MTAP: variants seen among roughly 807,000 people sequenced by gnomAD.
The protein encoded by MTAP is methylthioadenosine phosphorylase.
Under a neutral mutation model 33.6 loss-of-function variants are expected in MTAP, and 33 were observed. The observed-to-expected ratio is 0.98, with a 90% CI of 0.74 to 1.31. The LOEUF is 1.31. Ranked by LOEUF, MTAP falls within the 40% of genes most tolerant of loss-of-function variation. The pLI, the probability that MTAP is intolerant of heterozygous loss-of-function variation, is 0.00. For missense variants in MTAP, 367 were observed against 360.0 expected (o/e 1.02, Z -0.16); for synonymous variants, 148 against 125.7 (o/e 1.18, Z -1.19).
At chr9:21,822,940 A>T (rs1174587531) in intron 4 of MTAP, among the ~76,000 whole-genome samples, 1 of 152,188 alleles carries the variant, frequency 6.6e-6, no homozygotes, top group Non-Finnish European at 1.5e-5. Context: ...ATCAGAGACT[A>T]GGATTGCAAC....
At chr9:21,807,179 A>G (rs1824228398) in intron 1 of MTAP, among the ~76,000 whole-genome samples, 1 of 152,168 alleles carries the variant, frequency 6.6e-6, no homozygotes, top group Non-Finnish European at 1.5e-5. Flanking sequence ...AATAATAATA[A>G]TAACAACAAC....
At chr9:21,896,903 A>G (rs2118778612) in intron 1 of MTAP, among the ~76,000 whole-genome samples, 1 of 152,340 alleles carries the variant, frequency 6.6e-6, no homozygotes, top group Non-Finnish European at 1.5e-5. Context: ...TCATCCTGAT[A>G]CCAAAGCCTG....
Position 21,864,654 on chromosome 9 carries a change from G to A in MTAP, c.*2640G>A, listed in dbSNP as rs538682615. On this transcript the variant is annotated 3_prime_UTR_variant, in exon 8 of 8. Coordinates refer to ENST00000644715, the MANE Select transcript of MTAP (RefSeq NM_002451.4). ...CCCCTTCGCTAGCACGAGTTGCTGT[G>A]CAGGGCTGGAGGTAGCTACCATGGC... is the stretch of plus-strand genomic sequence containing the variant. The A allele has an allele frequency of 1.0e-6, 1 of 985,404 alleles. No homozygotes were observed. The highest frequency in any genetic ancestry group is 1.2e-6 in the Non-Finnish European group (1 of 830,038). 61.0% of individuals were successfully genotyped at this position (985,404 alleles called of 1,614,324 possible). A position where few individuals can be genotyped will look rare whatever the true frequency, so the allele number is the denominator to read the frequency against.
downstream of MTAP, chr9:21,934,725 G>A (rs1819015668): frequency 6.6e-6 from 1 of 151,154 alleles, no homozygotes; most frequent in Non-Finnish European, 1.5e-5. This position sits in a 1 kb window ranked among gnomAD's most constrained non-coding sequence, Gnocchi z 5.0. Context: ...TTTTGAGACG[G>A]AGTCTCTCTC....
At chr9:21,824,101 A>G (rs1824721829) in intron 4 of MTAP, among the ~76,000 whole-genome samples, 1 of 151,826 alleles carries the variant, frequency 6.6e-6, no homozygotes, top group Non-Finnish European at 1.5e-5. Context: ...CCTTCTCTCA[A>G]CTCGTCAGTC....
At chr9:21,819,024 T>C (rs1051987717) in intron 4 of MTAP, among the ~76,000 whole-genome samples, 5 of 152,216 alleles carry the variant, frequency 3.3e-5, no homozygotes, top group African/African-American at 1.2e-4. Flanking sequence ...TTTCCATGGC[T>C]GGTTTATTTC....
At position 21,865,396 on chromosome 9, in the gene MTAP, C is replaced by G. The variant is rs1374585959; in HGVS notation, c.*3382C>G. On this transcript the variant is annotated 3_prime_UTR_variant, in exon 8 of 8. Transcript: ENST00000644715. ...TAAACCTCTTTCCTTTATAAATTAC[C>G]CAGTCATGGGCAGTCCTTTACAGCA... 1 of 962,134 alleles carries G rather than the reference C, an allele frequency of 1.0e-6. No homozygotes were observed. The highest frequency in any genetic ancestry group is 1.2e-6 in the Non-Finnish European group (1 of 808,878). The allele number at this position is 962,134 out of a possible 1,614,324, so 59.6% of individuals were successfully genotyped here.
intron 1 of MTAP, among the ~76,000 whole-genome samples, chr9:21,910,847 G>C (rs562004795): frequency 6.6e-6 from 1 of 151,976 alleles, no homozygotes; most frequent in Non-Finnish European, 1.5e-5. Context: ...CTTCAAGTCC[G>C]CATCCCCCAG....
chr9:21,852,144 T>G (rs1235827235), intron 5 of MTAP, among the ~76,000 whole-genome samples: 1 of 152,140 alleles, frequency 6.6e-6, no homozygotes, highest in Non-Finnish European at 1.5e-5. Context: ...AACTCGGGAA[T>G]GGAAAACTAA....
At chr9:21,900,655 C>A (rs1379577368) in intron 1 of MTAP, among the ~76,000 whole-genome samples, 1 of 152,194 alleles carries the variant, frequency 6.6e-6, no homozygotes, top group Non-Finnish European at 1.5e-5. Flanking sequence ...ACCCAGCAAT[C>A]CCATTACTGG....
At position 21,802,707 on chromosome 9, in the gene MTAP, T is replaced by G; in HGVS notation, c.-42T>G. The stretch of plus-strand genomic sequence containing the variant: ...TCTGTGGCTCGCTTGGTTCCCTTAG[T>G]CCCGAGCGCTCGCCCACTGCAGATT... On this transcript the variant is annotated 5_prime_UTR_variant, in exon 1 of 8. Coordinates refer to ENST00000644715, the MANE Select transcript of MTAP (RefSeq NM_002451.4). The G allele has an allele frequency of 6.2e-7, 1 of 1,603,516 alleles. No homozygotes were observed. Among genetic ancestry groups the G allele is most frequent in the Non-Finnish European group, 8.5e-7 (1 of 1,175,756 alleles).
intron 4 of MTAP, 78 bp downstream of exon 4, chr9:21,818,280 C>G (rs143380440): frequency 9.1e-7 from 1 of 1,096,884 alleles, no homozygotes; most frequent in South Asian, 1.4e-5. Flanking sequence ...TGGGAACCGG[C>G]AGGGCAACTG....
chr9:21,852,314 C>T (rs140861485), intron 5 of MTAP, among the ~76,000 whole-genome samples: 181 of 152,074 alleles, frequency 1.2e-3, no homozygotes, highest in Middle Eastern at 3.4e-3. Flanking sequence ...CAAGACCAGC[C>T]TGGCCAAGAT....
At chr9:21,895,906 C>A (rs1350369716) in intron 1 of MTAP, among the ~76,000 whole-genome samples, 2 of 152,132 alleles carry the variant, frequency 1.3e-5, no homozygotes, top group African/African-American at 2.4e-5. Context: ...CTGCACCAAG[C>A]GGACCTAATA....
At chr9:21,912,204 C>T (rs1418369078) in intron 1 of MTAP, among the ~76,000 whole-genome samples, 2 of 152,140 alleles carry the variant, frequency 1.3e-5, no homozygotes, top group East Asian at 3.8e-4. Flanking sequence ...ACCAGAGGTA[C>T]AAAGAGGAGC....
At position 21,852,450 on chromosome 9, in the gene MTAP, C is replaced by T. The variant is rs1464758922; in HGVS notation, c.451-2181C>T. 3.4e-5 allele frequency among the ~76,000 whole-genome samples: 5 copies of T among 147,460 alleles called. No homozygotes were observed. The Admixed American group carries it at 3.4e-4, about 10-fold the overall frequency. On this transcript the variant is annotated intron_variant, in intron 5 of 7. Coordinates refer to ENST00000644715, the MANE Select transcript of MTAP (RefSeq NM_002451.4). Reference sequence around the variant, plus strand: ...GCTTGAACCCGTGAGGCAGAGGTTGCAGTGAGCCAAGATCGCACTAATGCA... The same window carrying T: ...GCTTGAACCCGTGAGGCAGAGGTTGTAGTGAGCCAAGATCGCACTAATGCA...
At chr9:21,927,848 G>C (rs1224951318) in intron 1 of MTAP, among the ~76,000 whole-genome samples, 1 of 152,194 alleles carries the variant, frequency 6.6e-6, no homozygotes, top group Non-Finnish European at 1.5e-5. Flanking sequence ...CCAGAAGGAA[G>C]GGGGATACCT....
intron 1 of MTAP, among the ~76,000 whole-genome samples, chr9:21,919,208 A>G (rs1032058116): frequency 3.9e-5 from 6 of 152,208 alleles, no homozygotes; most frequent in African/African-American, 1.4e-4. Context: ...AATTTTTATC[A>G]GGGAAGATTT....
chr9:21,828,819 T>G (rs886690147), intron 4 of MTAP, among the ~76,000 whole-genome samples: 1 of 152,250 alleles, frequency 6.6e-6, no homozygotes, highest in Admixed American at 6.5e-5. Context: ...TCTCTTTTAC[T>G]TTTTCAGTGA....
Sources: gnomAD v4.1 joint callset for allele counts (sites outside exome capture counted in the v4.1 genomes callset) on GRCh38, gnomAD v4.1.1 for gene constraint, Gnocchi (gnomAD v3.1) non-coding constraint, MANE v1.5 for transcripts, NCBI Gene and HGNC (gene_info 2026-07-23, HGNC 2026-07-21) for gene names.